The following PRPH2 variants were observed in gnomAD, a reference collection of about 807,000 sequenced individuals.
The protein encoded by PRPH2 is peripherin 2.
In PRPH2, 17 loss-of-function variants were observed where a neutral mutation model predicts 31.3. The observed-to-expected ratio is 0.54, with a 90% CI of 0.37 to 0.81. PRPH2 has a LOEUF of 0.81. Among genes scored for constraint, PRPH2 ranks in the 40% least tolerant of loss-of-function variants. The probability of loss-of-function intolerance (pLI) is 0.00; values close to 1 mark genes in which losing one functional copy is unlikely to be tolerated. For missense variants in PRPH2, 430 were observed against 439.7 expected (o/e 0.98, Z 0.20); for synonymous variants, 165 against 184.4 (o/e 0.89, Z 0.85).
chr6:42,722,424 G>A lies in PRPH2; in HGVS notation c.-90C>T. 2 of 1,567,776 alleles carry A rather than the reference G, an allele frequency of 1.3e-6. No individual in the cohort carries two copies. The highest frequency in any genetic ancestry group is 1.9e-5 in the Admixed American group (1 of 53,942). On this transcript the variant is annotated 5_prime_UTR_variant, in exon 1 of 3. Coordinates refer to ENST00000230381, the MANE Select transcript of PRPH2 (RefSeq NM_000322.5). The surrounding 1 kb of genome is among the most constrained non-coding windows in gnomAD (Gnocchi z 4.4). ...CAGAGGCGGAGACTTAGGGCCTTGG[G>A]AAAAGTGCAGATGGCCCAAGCTGTA...
At chr6:42,717,362 T>G (rs1582776508) in intron 1 of PRPH2, among the ~76,000 whole-genome samples, 1 of 151,942 alleles carries the variant, frequency 6.6e-6, no homozygotes, top group East Asian at 2.0e-4. Flanking sequence ...GAGGATGCAG[T>G]GAGCTGAGAT....
chr6:42,699,990 G>A (rs1438798333), intron 2 of PRPH2, among the ~76,000 whole-genome samples: 7 of 138,522 alleles, frequency 5.1e-5, no homozygotes, highest in African/African-American at 1.9e-4. Flanking sequence ...ATGGAGTCTC[G>A]CTCTGTCACC....
At chr6:42,710,209 G>C (rs1582770339) in intron 1 of PRPH2, among the ~76,000 whole-genome samples, 1 of 151,824 alleles carries the variant, frequency 6.6e-6, no homozygotes, top group Non-Finnish European at 1.5e-5. Flanking sequence ...ATCAGACTGG[G>C]GTTCCCTGAG....
chr6:42,717,665 GA>G (rs1388096356), intron 1 of PRPH2, among the ~76,000 whole-genome samples: 1 of 152,128 alleles, frequency 6.6e-6, no homozygotes, highest in Non-Finnish European at 1.5e-5. Flanking sequence ...AACATGAACA[GA>G]AAAAATTTTT....
rs1297167846 is a variant in PRPH2 at position 42,704,593 on chromosome 6, C to G, written c.600G>C (p.Val200=). Residue 200 remains valine, a synonymous_variant, in exon 2 of 3, where the codon GTG becomes GTC. Transcript: ENST00000230381. ...CGCCGTCCACCAGGTACCGCCCATC[C>G]ACGTTGCTCTTGATTCGACTTAAAG... ...KEVKDRIKSN[V]DGRYLVDGVP... 9 of 1,614,108 alleles carry G rather than the reference C, an allele frequency of 5.6e-6. No individual in the cohort carries two copies. Among genetic ancestry groups the G allele is most frequent in the African/African-American group, 1.3e-5 (1 of 74,926 alleles).
intron 2 of PRPH2, 119 bp downstream of exon 2, chr6:42,704,246 C>T: frequency 1.5e-6 from 2 of 1,355,198 alleles, no homozygotes; most frequent in Non-Finnish European, 2.1e-6. Context: ...CCCACAGCTC[C>T]ACTGAAGGCT....
chr6:42,712,054 CA>C, intron 1 of PRPH2: 1 of 768,366 alleles, frequency 1.3e-6, no homozygotes, highest in Non-Finnish European at 1.6e-6. Context: ...GAGCCTGATC[CA>C]ACCATACCTC....
intron 1 of PRPH2, among the ~76,000 whole-genome samples, chr6:42,714,722 T>C (rs938820079): frequency 2.6e-5 from 4 of 152,148 alleles, no homozygotes; most frequent in Non-Finnish European, 5.9e-5. Context: ...TTCACTATGT[T>C]GCCCATGCTG....
intron 1 of PRPH2, among the ~76,000 whole-genome samples, chr6:42,706,814 G>T (rs1035044959): frequency 1.3e-5 from 2 of 152,000 alleles, no homozygotes; most frequent in Non-Finnish European, 2.9e-5. Flanking sequence ...TCAGCCTCCA[G>T]GTCCTGACCG....
Position 42,722,057 on chromosome 6 carries a change from C to T in PRPH2, c.278G>A (p.Arg93Lys), listed in dbSNP as rs1761913965. 1 of 1,614,210 alleles carries T rather than the reference C, an allele frequency of 6.2e-7. No individual in the cohort carries two copies. Among genetic ancestry groups the T allele is most frequent in the East Asian group, 2.2e-5 (1 of 44,892 alleles). The stretch of plus-strand genomic sequence containing the variant: ...GTACGGCTTCAGCCAGGGCTTCCAT[C>T]TGGCATACTTGGCTGGGTCCAGGGC... ...YDALDPAKYA[R>K]WKPWLKPYLA... The change falls in exon 1 of 3, where the codon AGA becomes AAA. Residue 93 changes from arginine to lysine, a missense_variant. Coordinates refer to ENST00000230381, the MANE Select transcript of PRPH2 (RefSeq NM_000322.5). The surrounding 1 kb of genome is among the most constrained non-coding windows in gnomAD (Gnocchi z 4.4).
rs1294407459 is a variant in PRPH2, at chr6:42,722,071, T to G, written c.264A>C (p.Pro88=). Reference sequence around the variant, plus strand: ...AGGGCTTCCATCTGGCATACTTGGCTGGGTCCAGGGCGTCGTAGCAGATCT... The same window carrying G: ...AGGGCTTCCATCTGGCATACTTGGCGGGGTCCAGGGCGTCGTAGCAGATCT... The part of the protein sequence containing the change: ...AGKICYDALD[P]AKYARWKPWL... Residue 88 remains proline (P), a synonymous_variant, in exon 1 of 3, where the codon CCA becomes CCC. Coordinates refer to ENST00000230381, the MANE Select transcript of PRPH2 (RefSeq NM_000322.5). This position sits in a 1 kb window ranked among gnomAD's most constrained non-coding sequence, Gnocchi z 4.4. The G allele has an allele frequency of 3.8e-5, 61 of 1,614,044 alleles. 1 individual carries two copies. The Admixed American group carries it at 1.0e-3, about 27-fold the overall frequency.
intron 1 of PRPH2, among the ~76,000 whole-genome samples, chr6:42,719,791 A>G (rs1396582548): frequency 6.6e-6 from 1 of 150,806 alleles, no homozygotes; most frequent in Non-Finnish European, 1.5e-5. Flanking sequence ...CTGGTCTCGA[A>G]CTCCTGAACT....
chr6:42,720,051 AG>A (rs1487319904), intron 1 of PRPH2, among the ~76,000 whole-genome samples: 1 of 152,210 alleles, frequency 6.6e-6, no homozygotes, highest in East Asian at 1.9e-4. Flanking sequence ...TGCGTGTAAT[AG>A]AAGAATTTTT....
In PRPH2 at chr6:42,704,603, T is replaced by C. The variant is rs1800118310; in HGVS notation, c.590A>G (p.Lys197Arg). ...FSSKEVKDRI[K>R]SNVDGRYLVD... ...CAGGTACCGCCCATCCACGTTGCTC[T>C]TGATTCGACTTAAAGGGAAACAGAC... The change falls in exon 2 of 3, where the codon AAG (lysine) becomes AGG (arginine). Residue 197 changes from lysine to arginine, a missense_variant. Physicochemically the swap from Lys to Arg is conservative, Grantham distance 26. Coordinates refer to ENST00000230381, the MANE Select transcript of PRPH2 (RefSeq NM_000322.5). 1.2e-6 allele frequency: 2 copies of C among 1,614,076 alleles called. No homozygotes were observed. Among genetic ancestry groups the C allele is most frequent in the African/African-American group, 1.3e-5 (1 of 74,930 alleles).
chr6:42,702,395 A>G (rs1245746735), intron 2 of PRPH2, among the ~76,000 whole-genome samples: 2 of 151,862 alleles, frequency 1.3e-5, no homozygotes, highest in African/African-American at 4.8e-5. Context: ...AATCTCCTCA[A>G]TGGAAAAAGC....
In PRPH2 at chr6:42,715,134, G is replaced by A. The variant is rs563668386; in HGVS notation, c.581+6620C>T. Among the ~76,000 whole-genome samples, 25 of 152,022 alleles carry A rather than the reference G, an allele frequency of 1.6e-4. No individual in the cohort carries two copies. In the South Asian group the frequency reaches 5.0e-3, roughly 30 times the overall value. The stretch of plus-strand genomic sequence containing the variant: ...TGAGGCAGGAGAATCGCTTGAACCC[G>A]GGAGGCGGAGGTTGCAGTGAGTCGA... On this transcript the variant is annotated intron_variant, in intron 1 of 2. Coordinates refer to ENST00000230381, the MANE Select transcript of PRPH2 (RefSeq NM_000322.5).
intron 1 of PRPH2, chr6:42,711,812 G>C (rs890728976): frequency 2.0e-6 from 2 of 985,292 alleles, no homozygotes; most frequent in African/African-American, 3.5e-5. Flanking sequence ...CTTGGTGCCA[G>C]CTTCTCCCTC....
intron 1 of PRPH2, among the ~76,000 whole-genome samples, chr6:42,709,558 G>C (rs1447857159): frequency 6.6e-6 from 1 of 152,176 alleles, no homozygotes; most frequent in Non-Finnish European, 1.5e-5. Flanking sequence ...GGCCTAGAGG[G>C]TTGAGGTAGA....
chr6:42,721,305 A>G (rs1761898155), intron 1 of PRPH2, among the ~76,000 whole-genome samples: 3 of 152,218 alleles, frequency 2.0e-5, no homozygotes, highest in Admixed American at 2.0e-4. Context: ...GAAAGGTTGG[A>G]AAACAAGGGA....
Sources: gnomAD v4.1 joint callset for allele counts (sites outside exome capture counted in the v4.1 genomes callset) on GRCh38, gnomAD v4.1.1 for gene constraint, Gnocchi (gnomAD v3.1) non-coding constraint, MANE v1.5 for transcripts, NCBI Gene and HGNC (gene_info 2026-07-23, HGNC 2026-07-21) for gene names.